Variants in MAP4K3 observed in about 807,000 individuals in gnomAD.
The protein encoded by MAP4K3 is mitogen-activated protein kinase kinase kinase kinase 3, also known as MAPK/ERK kinase kinase kinase 3.
A neutral mutation model predicts 143.5 loss-of-function variants in MAP4K3; 94 were observed. The ratio of observed to expected loss-of-function variants is 0.65; its 90% CI spans 0.55 to 0.78. MAP4K3 has a LOEUF of 0.78. MAP4K3 is among the 30% of genes least tolerant of loss of function. The pLI, the probability that MAP4K3 is intolerant of heterozygous loss-of-function variation, is 0.00. For missense variants in MAP4K3, 1,077 were observed against 1,068.1 expected (o/e 1.01, Z -0.12); for synonymous variants, 416 against 347.2 (o/e 1.20, Z -2.20).
At position 39,326,352 on chromosome 2, in the gene MAP4K3, G is replaced by A. The variant is rs554209420; in HGVS notation, c.531-75C>T. ...TTATACTCCCACCCAGAGGCACAAG[G>A]AATTATCACTATCTAAATTAAGGCC... On this transcript the variant is annotated intron_variant, in intron 8 of 33. Coordinates refer to ENST00000263881, the MANE Select transcript of MAP4K3 (RefSeq NM_003618.4). 2.7e-6 allele frequency: 4 copies of A among 1,500,722 alleles called. No homozygotes were observed. In the African/African-American group the frequency reaches 4.2e-5, roughly 16 times the overall value. The allele number at this position is 1,500,722 out of a possible 1,614,324, so 93.0% of individuals were successfully genotyped here. A position where few individuals can be genotyped will look rare whatever the true frequency, so the allele number is the denominator to read the frequency against.
rs77534924 is a variant in MAP4K3 at position 39,433,064 on chromosome 2, C to T, written c.96+3828G>A. 1.9e-3 allele frequency among the ~76,000 whole-genome samples: 294 copies of T among 152,266 alleles called. 2 individuals are homozygous for T. The East Asian group carries it at 0.031, about 16-fold the overall frequency. ...AGCAAAGTTTACCAGGTTTCTTTAC[C>T]ATAGGACTTCTCAGTCTTTAACCTA... On this transcript the variant is annotated intron_variant, in intron 1 of 33. Coordinates refer to ENST00000263881, the MANE Select transcript of MAP4K3 (RefSeq NM_003618.4).
At chr2:39,287,117 C>T (rs1460077003) in intron 20 of MAP4K3, among the ~76,000 whole-genome samples, 153 bp from the exon 21 acceptor site, 3 of 152,132 alleles carry the variant, frequency 2.0e-5, no homozygotes, top group African/African-American at 4.8e-5. Context: ...GAAAGTAAGA[C>T]GTCATTTATA....
intron 2 of MAP4K3, among the ~76,000 whole-genome samples, chr2:39,365,859 T>C (rs1236746576): frequency 6.6e-6 from 1 of 152,216 alleles, no homozygotes; most frequent in African/African-American, 2.4e-5. Flanking sequence ...AATCTTCCCA[T>C]TTCCATTCTA....
chr2:39,434,038 G>A (rs1458545497), intron 1 of MAP4K3, among the ~76,000 whole-genome samples: 7 of 152,062 alleles, frequency 4.6e-5, no homozygotes, highest in African/African-American at 1.2e-4. Flanking sequence ...ACTAAACCAC[G>A]CCACCTTAAG....
At chr2:39,430,246 A>C (rs186061450) in intron 1 of MAP4K3, among the ~76,000 whole-genome samples, 215 of 152,348 alleles carry the variant, frequency 1.4e-3, no homozygotes, top group Non-Finnish European at 2.7e-3. Flanking sequence ...CTTTATACAG[A>C]AAGAATTTTT....
chr2:39,333,632 A>G (rs1683754377), intron 6 of MAP4K3, 58 bp from the exon 7 acceptor site: 2 of 910,286 alleles, frequency 2.2e-6, no homozygotes, highest in Non-Finnish European at 1.8e-6. Context: ...CAGACAGCAC[A>G]TATATAATAA....
chr2:39,301,057 A>G (rs1682490243), intron 15 of MAP4K3, among the ~76,000 whole-genome samples: 1 of 152,054 alleles, frequency 6.6e-6, no homozygotes, highest in South Asian at 2.1e-4. Context: ...ACTAAGCCTC[A>G]AAATATAAGG....
chr2:39,418,273 A>G (rs1667441402), intron 1 of MAP4K3, among the ~76,000 whole-genome samples: 1 of 152,094 alleles, frequency 6.6e-6, no homozygotes, highest in Non-Finnish European at 1.5e-5. Flanking sequence ...AGAGCTCCCA[A>G]TGGCTAAGTT....
At chr2:39,345,238 A>T (rs1178113796) in intron 3 of MAP4K3, among the ~76,000 whole-genome samples, 3 of 149,002 alleles carry the variant, frequency 2.0e-5, no homozygotes, top group Non-Finnish European at 4.4e-5. Flanking sequence ...GTTAGCCAGG[A>T]GAAGTGGTGC....
intron 1 of MAP4K3, among the ~76,000 whole-genome samples, chr2:39,404,534 C>G (rs1307094147): frequency 6.7e-6 from 1 of 148,744 alleles, no homozygotes; most frequent in Non-Finnish European, 1.5e-5. Flanking sequence ...GACCACGCTT[C>G]ATGGTTTGAG....
chr2:39,290,380 G>C (rs1681990657), intron 18 of MAP4K3, 46 bp from the exon 19 acceptor site: 2 of 1,221,558 alleles, frequency 1.6e-6, no homozygotes, highest in Non-Finnish European at 1.2e-6. Context: ...TTTTACAAAT[G>C]AATCAATCCT....
chr2:39,352,554 C>T (rs956929719), intron 3 of MAP4K3, among the ~76,000 whole-genome samples: 3 of 152,124 alleles, frequency 2.0e-5, no homozygotes, highest in African/African-American at 7.2e-5. Flanking sequence ...TATTCAGATA[C>T]AAATACATAC....
intron 1 of MAP4K3, among the ~76,000 whole-genome samples, chr2:39,435,247 G>A (rs897725445): frequency 6.6e-6 from 1 of 152,056 alleles, no homozygotes; most frequent in Non-Finnish European, 1.5e-5. Flanking sequence ...TCATGCTGTA[G>A]TAGGGAGCTC....
chr2:39,252,336 T>G (rs1425255389), intron 32 of MAP4K3, among the ~76,000 whole-genome samples: 1 of 152,246 alleles, frequency 6.6e-6, no homozygotes, highest in Non-Finnish European at 1.5e-5. Flanking sequence ...GTTCTCCCAC[T>G]TACTGGGCAA....
intron 13 of MAP4K3, among the ~76,000 whole-genome samples, 184 bp downstream of exon 13, chr2:39,315,126 T>C (rs902707320): frequency 3.9e-5 from 6 of 152,128 alleles, no homozygotes; most frequent in African/African-American, 1.4e-4. Flanking sequence ...ATACATCCCA[T>C]CCTGCCACCA....
At chr2:39,257,627 C>T (rs1329762200) in intron 31 of MAP4K3, among the ~76,000 whole-genome samples, 2 of 151,604 alleles carry the variant, frequency 1.3e-5, no homozygotes, top group Admixed American at 6.6e-5. Context: ...AGTGAAACCC[C>T]GTCTCTACTA....
chr2:39,293,568 C>G (rs531686222), intron 16 of MAP4K3, among the ~76,000 whole-genome samples: 58 of 152,202 alleles, frequency 3.8e-4, no homozygotes, highest in African/African-American at 1.3e-3. Context: ...TGGAATGTCA[C>G]AACAGTACTG....
chr2:39,293,298 A>G (rs1682131235), intron 16 of MAP4K3, 30 bp from the exon 17 acceptor site: 2 of 1,285,670 alleles, frequency 1.6e-6, no homozygotes, highest in African/African-American at 1.5e-5. Context: ...ACAAAAAATA[A>G]TGTGAATAAA....
intron 1 of MAP4K3, among the ~76,000 whole-genome samples, chr2:39,408,971 T>C (rs1251711412): frequency 6.6e-6 from 1 of 152,076 alleles, no homozygotes; most frequent in Non-Finnish European, 1.5e-5. Flanking sequence ...TTTAGAGAAA[T>C]GAAAAAGCAA....
Sources: gnomAD v4.1 joint callset for allele counts (sites outside exome capture counted in the v4.1 genomes callset) on GRCh38, gnomAD v4.1.1 for gene constraint, MANE v1.5 for transcripts, NCBI Gene and HGNC (gene_info 2026-07-23, HGNC 2026-07-21) for gene names.